XXYLT1: variants seen among roughly 807,000 people sequenced by gnomAD.
XXYLT1 encodes UDP-xylose:alpha-xyloside alpha-1,3-xylosyltransferase.
Under a neutral mutation model 28.9 loss-of-function variants are expected in XXYLT1, and 20 were observed. The observed-to-expected ratio is 0.69, with a 90% CI of 0.49 to 1.00. The LOEUF is 1.00. Among genes scored for constraint, XXYLT1 ranks in the 50% least tolerant of loss-of-function variants. XXYLT1 has a pLI of 0.00. For synonymous variants in XXYLT1, 257 were observed against 253.8 expected (o/e 1.01, Z -0.12); for missense variants, 542 against 560.1 (o/e 0.97, Z 0.33).
chr3:195,253,795 G>C (rs185710626), intron 1 of XXYLT1, among the ~76,000 whole-genome samples: 4 of 152,098 alleles, frequency 2.6e-5, no homozygotes, highest in African/African-American at 9.7e-5. Context: ...CACCGCGCCC[G>C]GCCTGTTCAC....
chr3:195,100,772 A>C (rs958784109), intron 3 of XXYLT1, among the ~76,000 whole-genome samples: 1 of 152,178 alleles, frequency 6.6e-6, no homozygotes, highest in African/African-American at 2.4e-5. Context: ...CAAGCCTTGG[A>C]CTATGTCTAT....
intron 2 of XXYLT1, among the ~76,000 whole-genome samples, chr3:195,182,302 C>T (rs1437476553): frequency 6.6e-6 from 1 of 152,218 alleles, no homozygotes; most frequent in Non-Finnish European, 1.5e-5. Flanking sequence ...AATAATTGCT[C>T]AGTTAATGTC....
At chr3:195,082,602 C>T (rs2108649281) in intron 3 of XXYLT1, among the ~76,000 whole-genome samples, 1 of 152,320 alleles carries the variant, frequency 6.6e-6, no homozygotes, top group South Asian at 2.1e-4. Flanking sequence ...CCTGTAATCC[C>T]AGCACTTTGG....
At chr3:195,219,910 G>A (rs181058673) in intron 2 of XXYLT1, among the ~76,000 whole-genome samples, 4 of 152,244 alleles carry the variant, frequency 2.6e-5, no homozygotes, top group Admixed American at 2.0e-4. Context: ...CAAGAGATTC[G>A]GGCAGAGGCT....
intron 3 of XXYLT1, among the ~76,000 whole-genome samples, chr3:195,074,230 C>T (rs2108638608): frequency 6.6e-6 from 1 of 152,360 alleles, no homozygotes. Context: ...CCTGTGCTGA[C>T]TCAGGCTAAG....
intron 1 of XXYLT1, among the ~76,000 whole-genome samples, chr3:195,265,867 T>C (rs1009143226): frequency 3.9e-5 from 6 of 152,208 alleles, no homozygotes; most frequent in Non-Finnish European, 2.9e-5. Flanking sequence ...GAAGCCCCCA[T>C]GCCAGCCCAG....
At position 195,234,507 on chromosome 3, in the gene XXYLT1, C is replaced by T. The variant is rs181657049; in HGVS notation, c.505-7651G>A. Among the ~76,000 whole-genome samples, 262 of 151,596 alleles carry T rather than the reference C, an allele frequency of 1.7e-3. 1 individual carries two copies. Among genetic ancestry groups the T allele is most frequent in the African/African-American group, 4.8e-3 (200 of 41,310 alleles). On this transcript the variant is annotated intron_variant, in intron 1 of 3. Coordinates refer to ENST00000310380, the MANE Select transcript of XXYLT1 (RefSeq NM_152531.5). ...CTAATTTTTATATTTTTAGTAAAGA[C>T]GGGGTTTCACCATCTTGGCCAGGCT...
At chr3:195,099,185 C>T (rs550338480) in intron 3 of XXYLT1, among the ~76,000 whole-genome samples, 53 of 152,184 alleles carry the variant, frequency 3.5e-4, no homozygotes, top group Non-Finnish European at 3.8e-4. Context: ...TCTCCTCTCC[C>T]TCTCCCTTCC....
At chr3:195,074,294 G>A (rs1714994245) in intron 3 of XXYLT1, among the ~76,000 whole-genome samples, 1 of 152,192 alleles carries the variant, frequency 6.6e-6, no homozygotes, top group African/African-American at 2.4e-5. Context: ...CTGAGATTCA[G>A]CACACGGCCT....
intron 1 of XXYLT1, among the ~76,000 whole-genome samples, chr3:195,260,315 C>G (rs182073492): frequency 6.6e-6 from 1 of 151,898 alleles, no homozygotes; most frequent in South Asian, 2.1e-4. Context: ...GCCCGACGCC[C>G]GCGGCCCCTC....
chr3:195,206,425 A>T (rs1024524759), intron 2 of XXYLT1, among the ~76,000 whole-genome samples: 1 of 151,066 alleles, frequency 6.6e-6, no homozygotes, highest in Admixed American at 6.6e-5. Flanking sequence ...TAAGGTGATT[A>T]TTTATTGTTA....
intron 1 of XXYLT1, among the ~76,000 whole-genome samples, chr3:195,234,413 G>A (rs1724443441): frequency 7.3e-6 from 1 of 137,552 alleles, no homozygotes; most frequent in African/African-American, 2.8e-5. Flanking sequence ...TTGCCTCCCA[G>A]ATTAAAGCGA....
At chr3:195,099,248 C>CGTTT (rs1420931772) in intron 3 of XXYLT1, among the ~76,000 whole-genome samples, 1 of 152,186 alleles carries the variant, frequency 6.6e-6, no homozygotes, top group African/African-American at 2.4e-5. Context: ...CTCAGCTTCA[C>CGTTT]ACATACGAGG....
intron 2 of XXYLT1, among the ~76,000 whole-genome samples, chr3:195,207,079 C>A (rs1723105003): frequency 1.3e-5 from 2 of 152,202 alleles, no homozygotes; most frequent in African/African-American, 2.4e-5. Context: ...GTCTTCAGAC[C>A]CTTCTACCAC....
intron 3 of XXYLT1, among the ~76,000 whole-genome samples, chr3:195,092,144 C>A (rs1483895497): frequency 1.4e-5 from 2 of 140,406 alleles, no homozygotes; most frequent in Non-Finnish European, 3.0e-5. Context: ...CATCAAGCTA[C>A]CAATGACTTT....
intron 2 of XXYLT1, among the ~76,000 whole-genome samples, chr3:195,187,525 C>G (rs995631110): frequency 6.6e-6 from 1 of 152,156 alleles, no homozygotes; most frequent in Non-Finnish European, 1.5e-5. Context: ...GTCAATCAAT[C>G]AGACAGGCAA....
intron 2 of XXYLT1, among the ~76,000 whole-genome samples, chr3:195,208,270 G>T (rs1290871019): frequency 6.6e-6 from 1 of 152,104 alleles, no homozygotes; most frequent in Non-Finnish European, 1.5e-5. Context: ...AAGTGAAGTT[G>T]TGAGGGCAAA....
At chr3:195,223,327 A>G (rs1723911971) in intron 2 of XXYLT1, among the ~76,000 whole-genome samples, 2 of 152,178 alleles carry the variant, frequency 1.3e-5, no homozygotes, top group African/African-American at 4.8e-5. Context: ...TAAACACAGA[A>G]AAAGAATTTG....
intron 3 of XXYLT1, among the ~76,000 whole-genome samples, chr3:195,107,563 A>AAG (rs1560098344): frequency 4.8e-4 from 1 of 2,084 alleles, no homozygotes; most frequent in Non-Finnish European, 9.6e-4. Context: ...GAAGAGGGGG[A>AAG]GAGGAGGAGG....
Sources: gnomAD v4.1 joint callset for allele counts (sites outside exome capture counted in the v4.1 genomes callset) on GRCh38, gnomAD v4.1.1 for gene constraint, MANE v1.5 for transcripts, NCBI Gene and HGNC (gene_info 2026-07-23, HGNC 2026-07-21) for gene names.